The following STAU2 variants were observed in gnomAD, a reference collection of about 807,000 sequenced individuals.
The protein encoded by STAU2 is staufen double-stranded RNA binding protein 2, also known as double-stranded RNA-binding protein Staufen homolog 2.
STAU2 carries 20 observed loss-of-function variants against 65.9 expected under a neutral mutation model. The observed-to-expected ratio is 0.30, with a 90% CI of 0.21 to 0.44. The LOEUF (loss-of-function observed/expected upper bound fraction) is 0.44. Among genes scored for constraint, STAU2 ranks in the 20% least tolerant of loss-of-function variants. STAU2 has a pLI of 1.00. For missense variants in STAU2, 558 were observed against 683.9 expected (o/e 0.82, Z 2.05); for synonymous variants, 232 against 233.9 (o/e 0.99, Z 0.07).
chr8:73,535,774 A>T (rs1023577051), intron 13 of STAU2, among the ~76,000 whole-genome samples: 3 of 152,208 alleles, frequency 2.0e-5, no homozygotes, highest in Non-Finnish European at 4.4e-5. Context: ...TATTTTCAAC[A>T]TTAAAGGAAA....
chr8:73,679,696 T>C (rs1034190000), intron 5 of STAU2, among the ~76,000 whole-genome samples: 23 of 149,662 alleles, frequency 1.5e-4, no homozygotes, highest in African/African-American at 5.0e-4. Context: ...CTGGCTAATA[T>C]GGTGAAACCC....
At chr8:73,617,186 T>C in intron 7 of STAU2, 106 bp downstream of exon 7, 1 of 1,342,280 alleles carries the variant, frequency 7.5e-7, no homozygotes, top group South Asian at 1.6e-5. Flanking sequence ...TTCACTCTAG[T>C]ATTCTTCCCT....
rs765690599 is a variant in STAU2, at chr8:73,600,429, T to C, written c.1029+3297A>G. On this transcript the variant is annotated intron_variant, in intron 10 of 14. Coordinates refer to ENST00000524300, the MANE Select transcript of STAU2 (RefSeq NM_001164380.2). Reference sequence around the variant, plus strand: ...GACCTCACTCTGAGAAGGACAAATCTAGTACAGTCAGACCAGGTACTCAGA... The same window carrying C: ...GACCTCACTCTGAGAAGGACAAATCCAGTACAGTCAGACCAGGTACTCAGA... 2.1e-4 allele frequency among the ~76,000 whole-genome samples: 32 copies of C among 152,308 alleles called. No homozygotes were observed. The Middle Eastern group carries it at 0.017, about 81-fold the overall frequency.
At chr8:73,468,304 C>T (rs1262353594) in intron 13 of STAU2, among the ~76,000 whole-genome samples, 2 of 152,264 alleles carry the variant, frequency 1.3e-5, no homozygotes, top group East Asian at 1.9e-4. Flanking sequence ...CAAAAATTAA[C>T]TCAAGATGGA....
intron 12 of STAU2, among the ~76,000 whole-genome samples, chr8:73,573,793 C>T (rs1431921563): frequency 1.1e-4 from 17 of 152,184 alleles, no homozygotes; most frequent in African/African-American, 3.9e-4. Context: ...CCTAAAACCA[C>T]AAAAACCCTA....
chr8:73,453,374 C>T (rs984639561), intron 13 of STAU2, among the ~76,000 whole-genome samples: 7 of 152,198 alleles, frequency 4.6e-5, no homozygotes, highest in South Asian at 4.1e-4. Flanking sequence ...ATCCCAAACA[C>T]GTGAATTTGA....
rs571860417 is a variant in STAU2 at position 73,484,833 on chromosome 8, T to A, written c.1531-62131A>T. ...AGATGTGAGCACACTAGAGGTTAGT[T>A]CAAATTACGTACAAAGGTTTCTCTA... is the stretch of plus-strand genomic sequence containing the variant. On this transcript the variant is annotated intron_variant, in intron 13 of 14. Transcript: ENST00000524300. Among the ~76,000 whole-genome samples the A allele has an allele frequency of 5.3e-4, 80 of 152,190 alleles. No individual in the cohort carries two copies. The Middle Eastern group carries it at 0.034, about 65-fold the overall frequency.
chr8:73,746,955 C>CGGCGCGA, upstream of STAU2: 1 of 823,378 alleles, frequency 1.2e-6, no homozygotes, highest in Non-Finnish European at 1.5e-6. Context: ...TCGCGCCGCG[C>CGGCGCGA]GCCCCCGCCT....
chr8:73,510,484 A>G (rs1358979296), intron 13 of STAU2, among the ~76,000 whole-genome samples: 5 of 152,236 alleles, frequency 3.3e-5, no homozygotes, highest in Non-Finnish European at 5.9e-5. Context: ...TATTTTTACA[A>G]GAACTAATTT....
intron 13 of STAU2, chr8:73,438,879 A>G (rs908778365): frequency 2.2e-6 from 1 of 451,888 alleles, no homozygotes; most frequent in African/African-American, 2.0e-5. Context: ...GAACTACCTA[A>G]TGTGTGGGGA....
chr8:73,567,384 G>A (rs910597724), intron 12 of STAU2, among the ~76,000 whole-genome samples: 2 of 152,070 alleles, frequency 1.3e-5, no homozygotes, highest in Non-Finnish European at 2.9e-5. Flanking sequence ...GCATATGCCT[G>A]TAATCCCAGC....
rs192069859 is a variant in STAU2, at chr8:73,537,750, A to G, written c.1530+14262T>C. 9.2e-5 allele frequency among the ~76,000 whole-genome samples: 14 copies of G among 152,376 alleles called. No individual in the cohort carries two copies. In the East Asian group the frequency reaches 2.5e-3, roughly 27 times the overall value. ...GAACGGAAATGATAAAAGCAGGAAG[A>G]ACAAACATGAAAAAGAGTATGAATA... On this transcript the variant is annotated intron_variant, in intron 13 of 14. Coordinates refer to ENST00000524300, the MANE Select transcript of STAU2 (RefSeq NM_001164380.2).
chr8:73,462,145 T>C (rs1482106825), intron 13 of STAU2, among the ~76,000 whole-genome samples: 2 of 152,182 alleles, frequency 1.3e-5, no homozygotes, highest in African/African-American at 4.8e-5. Context: ...AGTGGCATGA[T>C]CTTGGATCAT....
At chr8:73,625,210 T>C (rs1813546083) in intron 6 of STAU2, among the ~76,000 whole-genome samples, 1 of 152,190 alleles carries the variant, frequency 6.6e-6, no homozygotes, top group Non-Finnish European at 1.5e-5. Context: ...GTTTCACTTC[T>C]AAATATATAC....
chr8:73,524,960 T>C (rs73326759), intron 13 of STAU2, among the ~76,000 whole-genome samples: 9,250 of 152,186 alleles, frequency 0.061, 717 homozygotes, highest in African/African-American at 0.18. Flanking sequence ...GGCAACATAA[T>C]GTAGAAAAGC....
intron 9 of STAU2, among the ~76,000 whole-genome samples, chr8:73,611,062 G>T (rs1296155602): frequency 6.6e-6 from 1 of 152,104 alleles, no homozygotes; most frequent in African/African-American, 2.4e-5. Context: ...ATAAAACCAA[G>T]GCAAATAATC....
intron 6 of STAU2, among the ~76,000 whole-genome samples, chr8:73,661,645 G>A (rs55933673): frequency 3.3e-5 from 5 of 152,192 alleles, no homozygotes; most frequent in East Asian, 1.9e-4. Context: ...CTGTCACTAC[G>A]GATTAGTTTC....
At chr8:73,534,815 G>A (rs2128934762) in intron 13 of STAU2, among the ~76,000 whole-genome samples, 1 of 152,294 alleles carries the variant, frequency 6.6e-6, no homozygotes, top group Admixed American at 6.5e-5. Flanking sequence ...TCATGTACCA[G>A]TGTTTTAGTT....
At chr8:73,662,257 T>C (rs1322777351) in intron 6 of STAU2, among the ~76,000 whole-genome samples, 2 of 152,254 alleles carry the variant, frequency 1.3e-5, no homozygotes, top group Non-Finnish European at 2.9e-5. Flanking sequence ...TATTCCTTTA[T>C]ATATTCTGAA....
Sources: allele counts gnomAD v4.1 joint callset (sites outside exome capture counted in the v4.1 genomes callset), GRCh38; gene constraint gnomAD v4.1.1; transcripts MANE v1.5; gene names NCBI Gene and HGNC (gene_info 2026-07-23, HGNC 2026-07-21).